Variants in RIMS2 observed in about 807,000 individuals in gnomAD.
RIMS2 encodes regulating synaptic membrane exocytosis 2, also known as regulating synaptic membrane exocytosis protein 2.
A neutral mutation model predicts 174.4 loss-of-function variants in RIMS2; 59 were observed. That is an observed-to-expected ratio of 0.34 (90% CI 0.27 to 0.42). The LOEUF (loss-of-function observed/expected upper bound fraction) is 0.42, where lower values mean the gene tolerates loss of function less well. RIMS2 is among the 10% of genes least tolerant of loss of function. The pLI, the probability that RIMS2 is intolerant of heterozygous loss-of-function variation, is 1.00. For missense variants in RIMS2, 1,620 were observed against 1,666.3 expected (o/e 0.97, Z 0.48); for synonymous variants, 606 against 572.5 (o/e 1.06, Z -0.84).
chr8:103,568,714 A>T (rs569189484), intron 1 of RIMS2: 4 of 812,946 alleles, frequency 4.9e-6, no homozygotes. Context: ...TCTAGCTTAC[A>T]TAAGGGAGTA....
At chr8:104,126,931 C>T (rs924050048) in intron 19 of RIMS2, among the ~76,000 whole-genome samples, 1 of 152,146 alleles carries the variant, frequency 6.6e-6, no homozygotes, top group Non-Finnish European at 1.5e-5. Flanking sequence ...AGAGGAATGG[C>T]AAGTTTTCAA....
At chr8:104,143,159 T>A (rs1199118464) in intron 19 of RIMS2, among the ~76,000 whole-genome samples, 1 of 152,232 alleles carries the variant, frequency 6.6e-6, no homozygotes, top group East Asian at 1.9e-4. Flanking sequence ...CATTTTTGTA[T>A]CCGCATATTT....
intron 3 of RIMS2, among the ~76,000 whole-genome samples, chr8:103,838,066 GC>G (rs907761533): frequency 8.6e-5 from 13 of 151,292 alleles, no homozygotes; most frequent in Non-Finnish European, 1.2e-4. Flanking sequence ...ACCGCCTCAG[GC>G]CCCCCAGTAG....
At chr8:104,124,970 AAAATAGATC>A (rs1407533921) in intron 19 of RIMS2, among the ~76,000 whole-genome samples, 1 of 152,216 alleles carries the variant, frequency 6.6e-6, no homozygotes, top group Non-Finnish European at 1.5e-5. Context: ...AAAGCAGAAA[AAAATAGATC>A]AAATCTTAGT....
chr8:103,610,584 A>C (rs562473345), intron 1 of RIMS2, among the ~76,000 whole-genome samples: 57 of 152,344 alleles, frequency 3.7e-4, no homozygotes, highest in African/African-American at 1.4e-3. Flanking sequence ...CTCTATTGCG[A>C]TAATGATGTG....
intron 3 of RIMS2, among the ~76,000 whole-genome samples, chr8:103,790,194 A>G (rs1186283817): frequency 1.3e-5 from 2 of 152,212 alleles, no homozygotes; most frequent in Non-Finnish European, 2.9e-5. Flanking sequence ...AACTATTACG[A>G]CTATCTAATT....
chr8:104,176,040 C>G (rs1008653234), intron 19 of RIMS2, among the ~76,000 whole-genome samples: 1 of 152,124 alleles, frequency 6.6e-6, no homozygotes, highest in African/African-American at 2.4e-5. Flanking sequence ...TTCTCTCTCT[C>G]TGTGTTTCTC....
chr8:103,760,501 G>T (rs17235420), intron 2 of RIMS2, among the ~76,000 whole-genome samples: 1 of 152,062 alleles, frequency 6.6e-6, no homozygotes, highest in African/African-American at 2.4e-5. Flanking sequence ...TGCTGGGTGA[G>T]GGCTTGTAGT....
chr8:103,562,884 A>G (rs1422495236), intron 1 of RIMS2, among the ~76,000 whole-genome samples: 1 of 152,138 alleles, frequency 6.6e-6, no homozygotes, highest in African/African-American at 2.4e-5. Flanking sequence ...CGCAGGCTCA[A>G]CACCATGTGG....
rs35932194 is a variant in RIMS2, at chr8:103,555,800, CAA to C, written c.176+54751_176+54752del. Among the ~76,000 whole-genome samples the C allele has an allele frequency of 4.5e-3, 615 of 135,492 alleles. 4 individuals carry two copies. Among genetic ancestry groups the C allele is most frequent in the African/African-American group, 0.016 (570 of 36,646 alleles). The allele number at this position is 135,492 out of a possible 152,430, so 88.9% of individuals were successfully genotyped here. A position where few individuals can be genotyped will look rare whatever the true frequency, so the allele number is the denominator to read the frequency against. The stretch of plus-strand genomic sequence containing the variant: ...TCAGAGCGAGACCCTCTCTCTCTCT[CAA>C]AAAAAAAAAAAAGAAAAAAAGTGCT... On this transcript the variant is annotated intron_variant, in intron 1 of 23. Coordinates refer to ENST00000504942, the Ensembl canonical transcript of RIMS2.
chr8:103,705,904 TAGTATTATTGATC>T (rs1320920326), intron 2 of RIMS2, among the ~76,000 whole-genome samples: 2 of 151,888 alleles, frequency 1.3e-5, no homozygotes, highest in African/African-American at 4.8e-5. Context: ...TTACATTCGA[TAGTATTATTGATC>T]AGTAACCACT....
chr8:104,248,691 T>C lies in RIMS2; in HGVS notation c.3477-10T>C. The C allele has an allele frequency of 6.9e-7, 1 of 1,448,460 alleles. No individual in the cohort carries two copies. Among genetic ancestry groups the C allele is most frequent in the Non-Finnish European group, 9.7e-7 (1 of 1,029,062 alleles). 89.7% of individuals were successfully genotyped at this position (1,448,460 alleles called of 1,614,324 possible). The stretch of plus-strand genomic sequence containing the variant: ...TGGGGATTTAATCTCATATGTTATT[T>C]TGCTTTCAGTCTGATTTTCCCTGGT... On this transcript the variant is annotated splice_polypyrimidine_tract_variant and intron_variant, in intron 20 of 23. Coordinates refer to ENST00000504942, the Ensembl canonical transcript of RIMS2.
chr8:103,690,926 G>T (rs895108980), intron 1 of RIMS2, among the ~76,000 whole-genome samples: 1 of 152,158 alleles, frequency 6.6e-6, no homozygotes, highest in African/African-American at 2.4e-5. Flanking sequence ...TTTGTCTGGG[G>T]AAGTCTTGAT....
In RIMS2 at chr8:103,743,259, A is replaced by G. The variant is rs1285665046; in HGVS notation, c.388-22968A>G. Among the ~76,000 whole-genome samples the G allele has an allele frequency of 5.9e-5, 9 of 152,290 alleles. No individual in the cohort carries two copies. The South Asian group carries it at 8.3e-4, about 14-fold the overall frequency. On this transcript the variant is annotated intron_variant, in intron 2 of 23. Transcript: ENST00000504942. ...CATGTATATAACAGGAATCAGCCATATATTTCTTTCTTTTCAAGATATTTG... is the reference window on the plus strand; with the variant it reads ...CATGTATATAACAGGAATCAGCCATGTATTTCTTTCTTTTCAAGATATTTG...
intron 1 of RIMS2, among the ~76,000 whole-genome samples, chr8:103,568,247 G>A (rs1040801470): frequency 6.6e-6 from 1 of 152,246 alleles, no homozygotes; most frequent in African/African-American, 2.4e-5. Context: ...GCACTGATCT[G>A]TGATCCTGCT....
At position 104,145,757 on chromosome 8, in the gene RIMS2, T is replaced by C. The variant is rs1267685793; in HGVS notation, c.3335-99159T>C. Among the ~76,000 whole-genome samples, 6 of 151,790 alleles carry C rather than the reference T, an allele frequency of 4.0e-5. No homozygotes were observed. The East Asian group carries it at 1.2e-3, about 29-fold the overall frequency. On this transcript the variant is annotated intron_variant, in intron 19 of 23. Transcript: ENST00000504942. The stretch of plus-strand genomic sequence containing the variant: ...GCATGCCTGCAATCCCAGCTACTTG[T>C]GAGGCTGCGACAGGAGAATCACTTG...
chr8:103,964,471 G>A (rs1361830556), intron 15 of RIMS2, among the ~76,000 whole-genome samples: 1 of 152,112 alleles, frequency 6.6e-6, no homozygotes, highest in African/African-American at 2.4e-5. Flanking sequence ...CTTTGGTGAT[G>A]TGTCTGCTCA....
chr8:103,753,995 A>T (rs199916312), intron 2 of RIMS2, among the ~76,000 whole-genome samples: 2 of 151,292 alleles, frequency 1.3e-5, no homozygotes, highest in African/African-American at 2.4e-5. Flanking sequence ...TGCTCTTGCT[A>T]CTCTAGTTCT....
chr8:103,952,115 C>G (rs72681399), intron 14 of RIMS2, among the ~76,000 whole-genome samples: 1 of 152,160 alleles, frequency 6.6e-6, no homozygotes, highest in African/African-American at 2.4e-5. Context: ...CAGGGACTTA[C>G]GGATAAAACC....
Sources: gnomAD v4.1 joint callset for allele counts (sites outside exome capture counted in the v4.1 genomes callset) on GRCh38, gnomAD v4.1.1 for gene constraint, MANE v1.5 for transcripts, NCBI Gene and HGNC (gene_info 2026-07-23, HGNC 2026-07-21) for gene names.